MTCL1: variants seen among roughly 807,000 people sequenced by gnomAD.
MTCL1 encodes microtubule cross-linking factor 1.
MTCL1 carries 79 observed loss-of-function variants against 141.4 expected under a neutral mutation model. That is an observed-to-expected ratio of 0.56 (90% CI 0.47 to 0.67). The LOEUF (loss-of-function observed/expected upper bound fraction) is 0.67, where lower values mean the gene tolerates loss of function less well. Among genes scored for constraint, MTCL1 ranks in the 30% least tolerant of loss-of-function variants. The pLI is 0.00. For synonymous variants in MTCL1, 914 were observed against 875.8 expected, an observed-to-expected ratio of 1.04 and a Z score of -0.77; for missense variants, 2,177 against 2,113.9, an observed-to-expected ratio of 1.03 and a Z score of -0.59.
exon 1 of MTCL1, chr18:8,706,442 C>T (rs1212907576): frequency 4.1e-6 from 5 of 1,227,486 alleles, no homozygotes; most frequent in Non-Finnish European, 4.1e-6. Context: ...GGAGCGCCGC[C>T]GGGCAGCCCC....
rs895788012 is a variant in MTCL1, at chr18:8,805,817, G to T, written c.2437-1076G>T. 2.0e-5 allele frequency among the ~76,000 whole-genome samples: 3 copies of T among 152,282 alleles called. No homozygotes were observed. In the South Asian group the frequency reaches 6.2e-4, roughly 32 times the overall value. Reference sequence around the variant, plus strand: ...CCTGAGAGCTTGTGATGTGCTTTCCGTGCTGGTTGGAAGAGATGGGCTCAC... The same window carrying T: ...CCTGAGAGCTTGTGATGTGCTTTCCTTGCTGGTTGGAAGAGATGGGCTCAC... On this transcript the variant is annotated intron_variant, in intron 10 of 16. Coordinates refer to ENST00000359865, the Ensembl canonical transcript of MTCL1.
At chr18:8,752,771 TA>T (rs1361063566) in intron 4 of MTCL1, among the ~76,000 whole-genome samples, 1 of 152,214 alleles carries the variant, frequency 6.6e-6, no homozygotes, top group Admixed American at 6.5e-5. Flanking sequence ...TCAGGCACCC[TA>T]TTGCTGGGTG....
At position 8,828,527 on chromosome 18, in the gene MTCL1, C is replaced by G. The variant is rs1361745291; in HGVS notation, c.4723-381C>G. ...AACAAACGCAGCCGTATAATAGTCTCTGTTTTAGATACCAGTCATGCAATT... is the reference window on the plus strand; with the variant it reads ...AACAAACGCAGCCGTATAATAGTCTGTGTTTTAGATACCAGTCATGCAATT... On this transcript the variant is annotated intron_variant, in intron 15 of 16. Transcript: ENST00000359865. The surrounding 1 kb of genome is among the most constrained non-coding windows in gnomAD (Gnocchi z 5.2). Among the ~76,000 whole-genome samples the G allele has an allele frequency of 1.3e-5, 2 of 152,238 alleles. No homozygotes were observed. The highest frequency in any genetic ancestry group is 2.9e-5 in the Non-Finnish European group (2 of 68,042).
intron 8 of MTCL1, among the ~76,000 whole-genome samples, chr18:8,793,518 C>T (rs1394094395): frequency 1.3e-5 from 2 of 152,212 alleles, no homozygotes; most frequent in Non-Finnish European, 2.9e-5. Flanking sequence ...CCATTGCCTT[C>T]GGAAAACTGC....
chr18:8,784,489 C>T lies in MTCL1; in HGVS notation c.1377C>T (p.His459=), dbSNP rs138167149. The change falls in exon 6 of 17, where the codon CAC becomes CAT. Residue 459 remains histidine (H), a synonymous_variant. Transcript: ENST00000359865. ...CTGAGTACCTAGTGACCCTAAAACACGAGGCCCAGCGGCTAGAGCGGACGG... is the reference window on the plus strand; with the variant it reads ...CTGAGTACCTAGTGACCCTAAAACATGAGGCCCAGCGGCTAGAGCGGACGG... The T allele has an allele frequency of 8.8e-5, 139 of 1,576,188 alleles. No homozygotes were observed. The highest frequency in any genetic ancestry group is 8.5e-4 in the Middle Eastern group (5 of 5,858).
rs2077162286 is a variant in MTCL1 at position 8,830,476 on chromosome 18, A to G, written c.*19-1131A>G. The G allele has an allele frequency of 2.3e-5, 23 of 985,664 alleles. No individual in the cohort carries two copies. The highest frequency in any genetic ancestry group is 2.8e-5 in the Non-Finnish European group (23 of 830,166). 61.1% of individuals were successfully genotyped at this position (985,664 alleles called of 1,614,324 possible). A position where few individuals can be genotyped will look rare whatever the true frequency, so the allele number is the denominator to read the frequency against. ...GGCCATGCTGTCTCTGCCGTGTTCC[A>G]TCTTCTCCCGAGTGACACTGCCCAT... On this transcript the variant is annotated intron_variant, in intron 16 of 16. Transcript: ENST00000359865. The surrounding 1 kb of genome is among the most constrained non-coding windows in gnomAD (Gnocchi z 6.4).
intron 1 of MTCL1, chr18:8,707,426 T>A (rs1448585481): frequency 1.3e-5 from 2 of 152,518 alleles, no homozygotes; most frequent in African/African-American, 4.8e-5. Context: ...CCTGCTGCAC[T>A]CTCTGAGTAT....
At position 8,726,492 on chromosome 18, in the gene MTCL1, A is replaced by C. The variant is rs1215980586; in HGVS notation, c.357+5996A>C. 5.9e-3 allele frequency among the ~76,000 whole-genome samples: 658 copies of C among 110,976 alleles called. 2 individuals carry two copies. Among genetic ancestry groups the C allele is most frequent in the African/African-American group, 0.024 (579 of 23,918 alleles). The allele number at this position is 110,976 out of a possible 152,430, so 72.8% of individuals were successfully genotyped here. A position where few individuals can be genotyped will look rare whatever the true frequency, so the allele number is the denominator to read the frequency against. On this transcript the variant is annotated intron_variant, in intron 4 of 16. Transcript: ENST00000359865. ...TAAGAGGAGAGAGAGAGAGAGAGAG[A>C]GAGCGCGCGCGCGCGCAAGAGCGAG...
chr18:8,773,509 C>T (rs996820766), intron 4 of MTCL1, among the ~76,000 whole-genome samples: 2 of 152,062 alleles, frequency 1.3e-5, no homozygotes, highest in African/African-American at 2.4e-5. Context: ...TTGTCATTTG[C>T]CTTTTAATAC....
rs116764610 is a variant in MTCL1, at chr18:8,711,956, G to A, written c.1053+5243G>A. ...GTGCTCGGAGACAGTCAGACAAGCCGGAGTGCTCGTTGTCAACATATTAAT... is the reference window on the plus strand; with the variant it reads ...GTGCTCGGAGACAGTCAGACAAGCCAGAGTGCTCGTTGTCAACATATTAAT... On this transcript the variant is annotated intron_variant, in intron 1 of 13. Coordinates refer to the MTCL1 transcript ENST00000306329. Among the ~76,000 whole-genome samples, 1,243 of 152,266 alleles carry A rather than the reference G, an allele frequency of 8.2e-3. 19 individuals are homozygous for A. Among genetic ancestry groups the A allele is most frequent in the African/African-American group, 0.027 (1,140 of 41,534 alleles).
At chr18:8,767,450 A>G (rs1408558691) in intron 4 of MTCL1, among the ~76,000 whole-genome samples, 2 of 152,228 alleles carry the variant, frequency 1.3e-5, no homozygotes, top group Non-Finnish European at 2.9e-5. Flanking sequence ...GGAAGCCTTA[A>G]GCCTGGGAAG....
chr18:8,829,899 A>G, intron 16 of MTCL1: 2 of 985,212 alleles, frequency 2.0e-6, no homozygotes, highest in Non-Finnish European at 1.2e-6. Flanking sequence ...ACTCACAGTG[A>G]TTCTTCCTTC....
chr18:8,773,858 A>G (rs961020557), intron 4 of MTCL1, among the ~76,000 whole-genome samples: 2 of 152,112 alleles, frequency 1.3e-5, no homozygotes, highest in Non-Finnish European at 2.9e-5. Flanking sequence ...TGAGCCTTCT[A>G]TTTAGTTTCA....
exon 1 of MTCL1, chr18:8,706,706 A>G (rs998622079): frequency 1.2e-5 from 19 of 1,545,426 alleles, no homozygotes; most frequent in South Asian, 2.4e-5. Flanking sequence ...GAGAACGACT[A>G]TCTCAAGGTG....
At chr18:8,782,972 G>C (rs1232501093) in intron 5 of MTCL1, among the ~76,000 whole-genome samples, 1 of 152,244 alleles carries the variant, frequency 6.6e-6, no homozygotes, top group Non-Finnish European at 1.5e-5. Context: ...GGAAAGCTGA[G>C]CTCTCATTTG....
intron 14 of MTCL1, among the ~76,000 whole-genome samples, chr18:8,823,234 C>T (rs954576620): frequency 6.6e-6 from 1 of 152,260 alleles, no homozygotes. Context: ...TTGGCCACTG[C>T]TGAGGTTAAT....
exon 6 of MTCL1, chr18:8,784,720 T>G (rs780060371): frequency 6.2e-7 from 1 of 1,614,186 alleles, no homozygotes; most frequent in East Asian, 2.2e-5. Context: ...TGAACCGCAT[T>G]GGGGATGGCC....
rs201426677 is a variant in MTCL1 at position 8,786,009 on chromosome 18, G to C, written c.1805G>C (p.Arg602Pro). 1.9e-6 allele frequency: 3 copies of C among 1,583,448 alleles called. No individual in the cohort carries two copies. Among genetic ancestry groups the C allele is most frequent in the South Asian group, 1.1e-5 (1 of 90,626 alleles). ...GACGAGCGGGAGAGCCTGCGCCTCCGAGCCGCGCGGGAGCTGCACCGCCGC... is the reference window on the plus strand; with the variant it reads ...GACGAGCGGGAGAGCCTGCGCCTCCCAGCCGCGCGGGAGCTGCACCGCCGC... Residue 602 changes from arginine to proline, a missense_variant, in exon 7 of 17, where the codon CGA becomes CCA. Coordinates refer to ENST00000359865, the Ensembl canonical transcript of MTCL1.
intron 3 of MTCL1, 116 bp downstream of exon 2, chr18:8,718,764 AAC>A: frequency 1.1e-6 from 1 of 934,782 alleles, no homozygotes; most frequent in African/African-American, 1.6e-5. Context: ...TTGCAGCATA[AAC>A]AGTCTTGGTT....
Sources: gnomAD v4.1 joint callset for allele counts (sites outside exome capture counted in the v4.1 genomes callset) on GRCh38, gnomAD v4.1.1 for gene constraint, Gnocchi (gnomAD v3.1) non-coding constraint, MANE v1.5 for transcripts, NCBI Gene and HGNC (gene_info 2026-07-23, HGNC 2026-07-21) for gene names.